Variants in VWA3A observed in about 807,000 individuals in gnomAD.
VWA3A encodes the protein von Willebrand factor A domain containing 3A.
Under a neutral mutation model 160.4 loss-of-function variants are expected in VWA3A, and 134 were observed. That is an observed-to-expected ratio of 0.84 (90% CI 0.73 to 0.96). The LOEUF (loss-of-function observed/expected upper bound fraction) is 0.96, where lower values mean the gene tolerates loss of function less well. Ranked by LOEUF, VWA3A falls within the 40% of genes least tolerant of loss-of-function variation. The pLI is 0.00. For missense variants in VWA3A, 1,310 were observed against 1,447.9 expected (o/e 0.90, Z 1.55); for synonymous variants, 476 against 543.4 (o/e 0.88, Z 1.72).
rs370848071 is a variant in VWA3A, at chr16:22,138,492, G to A, written c.2272G>A (p.Val758Ile). 1.5e-5 allele frequency: 25 copies of A among 1,613,906 alleles called. No individual in the cohort carries two copies. The highest frequency in any genetic ancestry group is 8.0e-5 in the African/African-American group (6 of 75,040). ...PKKLCPPRPT[V>I]PLGARMSIKD... ...GAAGCTCTGCCCTCCCAGGCCCACC[G>A]TCCCCCTGGGGGCCAGAATGGTTTG... The change falls in exon 22 of 34, where the codon GTC becomes ATC. Residue 758 changes from valine (V) to isoleucine (I), a missense_variant. Val to Ile is a conservative substitution (Grantham distance 29, BLOSUM62 3). Coordinates refer to ENST00000389398, the MANE Select transcript of VWA3A (RefSeq NM_173615.5).
intron 26 of VWA3A, among the ~76,000 whole-genome samples, chr16:22,145,335 A>G (rs1349898407): frequency 1.3e-5 from 2 of 152,164 alleles, no homozygotes; most frequent in African/African-American, 4.8e-5. Flanking sequence ...AGAGTTTTCT[A>G]TTTTAAAATT....
Position 22,156,194 on chromosome 16 carries a change from G to C in VWA3A, c.*177G>C, listed in dbSNP as rs1207374673. ...CTTTTGTGTGAGGGGCCATTCCCGGGTCTTAATCTAACTCTCCAGCCCTGT... is the reference window on the plus strand; with the variant it reads ...CTTTTGTGTGAGGGGCCATTCCCGGCTCTTAATCTAACTCTCCAGCCCTGT... On this transcript the variant is annotated 3_prime_UTR_variant, in exon 34 of 34. Transcript: ENST00000389398. 2.2e-6 allele frequency: 1 copy of C among 457,672 alleles called. No homozygotes were observed. The highest frequency in any genetic ancestry group is 3.8e-5 in the Admixed American group (1 of 26,428). The allele number at this position is 457,672 out of a possible 1,614,324, so 28.4% of individuals were successfully genotyped here. A position where few individuals can be genotyped will look rare whatever the true frequency, so the allele number is the denominator to read the frequency against.
intron 9 of VWA3A, chr16:22,116,431 G>A (rs2045649206): frequency 2.2e-6 from 1 of 449,034 alleles, no homozygotes; most frequent in Non-Finnish European, 4.2e-6. Context: ...AGGAAAGAGA[G>A]AGGAAGAGAG....
intron 17 of VWA3A, among the ~76,000 whole-genome samples, chr16:22,126,988 T>TTATATATAGTTTTAAAATTATATATAG (rs2045861329): frequency 1.3e-5 from 2 of 149,450 alleles, no homozygotes; most frequent in African/African-American, 4.9e-5. Context: ...TACTTCAAAA[T>TTATATATAGTTTTAAAATTATATATAG]TATATATAGT....
chr16:22,128,086 ATCAGGTAGT>A (rs2045883201), intron 17 of VWA3A, among the ~76,000 whole-genome samples: 1 of 152,308 alleles, frequency 6.6e-6, no homozygotes, highest in African/African-American at 2.4e-5. Flanking sequence ...CTTAGGGACC[ATCAGGTAGT>A]TCAGCATGGA....
Position 22,132,999 on chromosome 16 carries a change from C to A in VWA3A, c.1972C>A (p.Pro658Thr), listed in dbSNP as rs531608475. 6.2e-7 allele frequency: 1 copy of A among 1,613,956 alleles called. No homozygotes were observed. The highest frequency in any genetic ancestry group is 1.3e-5 in the African/African-American group (1 of 75,036). The stretch of plus-strand genomic sequence containing the variant: ...GGGCGAGCCAAAGATGGACACCACA[C>A]CCCCTGCCCGCTATGCCAGTCACAC... The part of the protein sequence containing the change: ...YVGEPKMDTT[P>T]PARYASHTDT... Residue 658 changes from proline to threonine, a missense_variant, in exon 20 of 34, where the codon CCC becomes ACC. Coordinates refer to ENST00000389398, the MANE Select transcript of VWA3A (RefSeq NM_173615.5).
intron 8 of VWA3A, 85 bp from the exon 9 acceptor site, chr16:22,115,262 C>A (rs2045613162): frequency 7.0e-7 from 1 of 1,422,570 alleles, no homozygotes. Flanking sequence ...GGTAACACAG[C>A]AAGCCCTTAT....
chr16:22,154,717 C>G (rs1313158355), intron 31 of VWA3A, among the ~76,000 whole-genome samples: 5 of 146,152 alleles, frequency 3.4e-5, no homozygotes, highest in Non-Finnish European at 6.0e-5. Context: ...CACTTTGGGA[C>G]GCCGAGGCGG....
At position 22,131,680 on chromosome 16, in the gene VWA3A, A is replaced by T. The variant is rs750975351; in HGVS notation, c.1823A>T (p.Gln608Leu). ...GACTTCAAGGACAAAGACAAACACC[A>T]ATCGCAGGGAATCTACCTCTTCACT... ...EVDFKDKDKH[Q>L]SQGIYLFTGG... The change falls in exon 19 of 34, where the codon CAA (glutamine) becomes CTA (leucine). Residue 608 changes from glutamine (Q) to leucine (L), a missense_variant. Physicochemically the swap from Gln to Leu is moderately radical, Grantham distance 113 (BLOSUM62 -2). Transcript: ENST00000389398. The T allele has an allele frequency of 6.2e-7, 1 of 1,614,006 alleles. No individual in the cohort carries two copies. Among genetic ancestry groups the T allele is most frequent in the Non-Finnish European group, 8.5e-7 (1 of 1,179,876 alleles).
chr16:22,113,318 A>G (rs1459359433), intron 8 of VWA3A, among the ~76,000 whole-genome samples: 2 of 147,044 alleles, frequency 1.4e-5, no homozygotes, highest in Admixed American at 6.8e-5. Context: ...CAGCCTCCCA[A>G]ATAGCTGAGA....
intron 20 of VWA3A, among the ~76,000 whole-genome samples, chr16:22,133,835 A>AAAAATT (rs2045992090): frequency 1.3e-5 from 2 of 152,140 alleles, no homozygotes; most frequent in African/African-American, 4.8e-5. Context: ...ATTAAAAATT[A>AAAAATT]AAAAATATAT....
Position 22,100,460 on chromosome 16 carries a change from A to C in VWA3A, c.395A>C (p.Gln132Pro). 1 of 1,551,660 alleles carries C rather than the reference A, an allele frequency of 6.4e-7. No individual in the cohort carries two copies. Among genetic ancestry groups the C allele is most frequent in the Non-Finnish European group, 8.7e-7 (1 of 1,147,004 alleles). ...NVVQKICFST[Q>P]IIRHFESKLS... ...GTGCAGAAAATATGTTTCTCCACCC[A>C]GATCATCCGCCATTTTGAGTCAAAG... is the stretch of plus-strand genomic sequence containing the variant. Residue 132 changes from glutamine to proline, a missense_variant, in exon 5 of 34, where the codon CAG (glutamine) becomes CCG (proline). By Grantham distance (76) the Gln-to-Pro change is moderately conservative. Transcript: ENST00000389398.
At chr16:22,148,041 A>G in intron 27 of VWA3A, 121 bp from the exon 28 acceptor site, 1 of 1,272,648 alleles carries the variant, frequency 7.9e-7, no homozygotes, top group South Asian at 1.6e-5. Context: ...CATCCAATCA[A>G]TGATCAGGCA....
chr16:22,138,947 C>T (rs2046094636), intron 22 of VWA3A, among the ~76,000 whole-genome samples: 1 of 152,048 alleles, frequency 6.6e-6, no homozygotes, highest in African/African-American at 2.4e-5. Flanking sequence ...GGCTTATCCT[C>T]ATTCACAGCC....
intron 6 of VWA3A, among the ~76,000 whole-genome samples, chr16:22,105,214 C>G (rs761641537): frequency 5.9e-5 from 9 of 152,162 alleles, no homozygotes; most frequent in African/African-American, 1.9e-4. Context: ...GCTCTCACCC[C>G]CCGACCTCCA....
At chr16:22,098,573 G>A (rs2141831426) in intron 3 of VWA3A, among the ~76,000 whole-genome samples, 1 of 152,178 alleles carries the variant, frequency 6.6e-6, no homozygotes, top group East Asian at 1.9e-4. Context: ...TGAACCTGAA[G>A]GAAAGAGGGA....
intron 12 of VWA3A, 52 bp from the exon 13 acceptor site, chr16:22,120,915 CT>C: frequency 1.2e-6 from 2 of 1,605,012 alleles, no homozygotes; most frequent in Admixed American, 3.4e-5. Context: ...AGACTGAGGA[CT>C]TTTCAGCTCT....
At chr16:22,123,506 C>A (rs767850213) in intron 15 of VWA3A, 107 bp from the exon 16 acceptor site, 5 of 1,603,272 alleles carry the variant, frequency 3.1e-6, no homozygotes, top group Admixed American at 1.7e-5. Flanking sequence ...TTCCCAGGGA[C>A]TTGACACACC....
intron 9 of VWA3A, 107 bp downstream of exon 9, chr16:22,115,579 C>A: frequency 7.6e-7 from 1 of 1,311,372 alleles, no homozygotes; most frequent in Non-Finnish European, 1.0e-6. Context: ...TGCCTGTAAT[C>A]CCAGCACTTT....
Sources: gnomAD v4.1 joint callset for allele counts (sites outside exome capture counted in the v4.1 genomes callset) on GRCh38, gnomAD v4.1.1 for gene constraint, MANE v1.5 for transcripts, NCBI Gene and HGNC (gene_info 2026-07-23, HGNC 2026-07-21) for gene names.